Variants in MYO16 observed in about 807,000 individuals in gnomAD.
MYO16 encodes unconventional myosin-XVI.
Under a neutral mutation model 205.3 loss-of-function variants are expected in MYO16, and 94 were observed. That is an observed-to-expected ratio of 0.46 (90% CI 0.39 to 0.54). MYO16 has a LOEUF of 0.54. Ranked by LOEUF, MYO16 falls within the 20% of genes least tolerant of loss-of-function variation. The pLI is 0.00. For missense variants in MYO16, 2,315 were observed against 2,387.5 expected (o/e 0.97, Z 0.63); for synonymous variants, 988 against 954.0 (o/e 1.04, Z -0.66).
At chr13:109,035,406 G>A (rs1196940670) in intron 23 of MYO16, among the ~76,000 whole-genome samples, 1 of 152,206 alleles carries the variant, frequency 6.6e-6, no homozygotes, top group Non-Finnish European at 1.5e-5. Context: ...ACTGTAGGCC[G>A]GGCATGGTGG....
rs774812688 is a variant in MYO16, at chr13:109,140,994, G to GCCGCCCCCGCCC, written c.4795_4806dup (p.Pro1599_Pro1602dup). Reference sequence around the variant, plus strand: ...CCGGCCGAGCCTCCCCGCCGTCCACGCCGCCCCCGCCCCCGCCCCCGCCCG... The same window carrying GCCGCCCCCGCCC: ...CCGGCCGAGCCTCCCCGCCGTCCACGCCGCCCCCGCCCCCGCCCCCGCCCCCGCCCCCGCCCG... On this transcript the variant is annotated inframe_insertion, in exon 32 of 35. Coordinates refer to ENST00000457511, the MANE Select transcript of MYO16 (RefSeq NM_001198950.3). This position sits in a 1 kb window ranked among gnomAD's most constrained non-coding sequence, Gnocchi z 8.0. The GCCGCCCCCGCCC allele has an allele frequency of 2.2e-6, 3 of 1,336,840 alleles. No individual in the cohort carries two copies. Among genetic ancestry groups the GCCGCCCCCGCCC allele is most frequent in the African/African-American group, 1.5e-5 (1 of 65,174 alleles). 82.8% of individuals were successfully genotyped at this position (1,336,840 alleles called of 1,614,324 possible).
intron 33 of MYO16, among the ~76,000 whole-genome samples, chr13:109,178,988 G>A (rs758217470): frequency 1.3e-5 from 2 of 152,204 alleles, no homozygotes; most frequent in Non-Finnish European, 2.9e-5. Flanking sequence ...GAATTGGTGT[G>A]TTGTGAATCG....
intron 20 of MYO16, among the ~76,000 whole-genome samples, chr13:108,983,979 A>G (rs1184320557): frequency 6.6e-6 from 1 of 152,228 alleles, no homozygotes; most frequent in East Asian, 1.9e-4. Context: ...AAAGGTTTTC[A>G]TCCCTGAGAA....
chr13:108,553,650 G>T, the MYO16 span, among the ~76,000 whole-genome samples: 2 of 152,158 alleles, frequency 1.3e-5, no homozygotes, highest in African/African-American at 4.8e-5. Flanking sequence ...TATTCCCACG[G>T]TTGGAATATG....
At chr13:108,902,124 A>G (rs1438864150) in intron 15 of MYO16, among the ~76,000 whole-genome samples, 2 of 152,200 alleles carry the variant, frequency 1.3e-5, no homozygotes, top group Non-Finnish European at 2.9e-5. Context: ...GTACAAAGGT[A>G]TATTATGCGT....
chr13:109,193,418 TCTGTGCCCCTTTCCAA>T (rs1880010676), intron 34 of MYO16, among the ~76,000 whole-genome samples: 1 of 152,198 alleles, frequency 6.6e-6, no homozygotes, highest in Admixed American at 6.6e-5. Context: ...GATTTGCTAA[TCTGTGCCCCTTTCCAA>T]TTATAGCTGA....
Position 109,127,196 on chromosome 13 carries a change from G to C in MYO16, c.3783-86G>C. On this transcript the variant is annotated intron_variant, in intron 30 of 34. Transcript: ENST00000457511. This position sits in a 1 kb window ranked among gnomAD's most constrained non-coding sequence, Gnocchi z 4.2. ...CTGCTTGCCAAAAAGCCGTCATTAT[G>C]TCTGCTTGAGCAGGTTCCTTGTTAC... is the stretch of plus-strand genomic sequence containing the variant. 1.4e-6 allele frequency: 2 copies of C among 1,453,236 alleles called. No individual in the cohort carries two copies. The highest frequency in any genetic ancestry group is 1.8e-6 in the Non-Finnish European group (2 of 1,096,900). The allele number at this position is 1,453,236 out of a possible 1,614,324, so 90.0% of individuals were successfully genotyped here.
chr13:108,855,358 AG>A (rs1878113528), intron 10 of MYO16, 84 bp from the exon 11 acceptor site: 4 of 654,416 alleles, frequency 6.1e-6, no homozygotes, highest in Non-Finnish European at 9.8e-6. Context: ...AATGTTTGAC[AG>A]GTAATTGAAA....
At chr13:108,730,946 A>G (rs759955792) in intron 4 of MYO16, among the ~76,000 whole-genome samples, 2 of 152,136 alleles carry the variant, frequency 1.3e-5, no homozygotes, top group African/African-American at 4.8e-5. Flanking sequence ...GTTCCTTGAT[A>G]TTTCATCCCA....
At chr13:108,549,784 G>T in the MYO16 span, among the ~76,000 whole-genome samples, 104 of 152,218 alleles carry the variant, frequency 6.8e-4, no homozygotes, top group African/African-American at 2.5e-3. Context: ...TAAATACCCA[G>T]CTCCTCCTGC....
chr13:108,871,352 G>GTGTGTA (rs1879049720), intron 12 of MYO16, among the ~76,000 whole-genome samples: 1 of 150,806 alleles, frequency 6.6e-6, no homozygotes, highest in African/African-American at 2.4e-5. Context: ...GTGTGTGTGT[G>GTGTGTA]TGTGTGTGTG....
At chr13:108,895,120 G>T (rs4771618) in intron 14 of MYO16, among the ~76,000 whole-genome samples, 2 of 151,648 alleles carry the variant, frequency 1.3e-5, no homozygotes, top group African/African-American at 4.8e-5. Context: ...TTTACTTTCA[G>T]AAAATACAGT....
In MYO16 at chr13:109,191,190, G is replaced by A. The variant is rs182817827; in HGVS notation, c.5415+11557G>A. Reference sequence around the variant, plus strand: ...GCCAAGATCGCGCCACTGCACTCCAGCCTGGGGGACAAGAGCGAAACTCTG... The same window carrying A: ...GCCAAGATCGCGCCACTGCACTCCAACCTGGGGGACAAGAGCGAAACTCTG... On this transcript the variant is annotated intron_variant, in intron 34 of 34. Coordinates refer to ENST00000457511, the MANE Select transcript of MYO16 (RefSeq NM_001198950.3). Among the ~76,000 whole-genome samples the A allele has an allele frequency of 1.2e-4, 18 of 152,072 alleles. No individual in the cohort carries two copies. In the East Asian group the frequency reaches 3.5e-3, roughly 29 times the overall value.
At chr13:108,540,058 T>C in the MYO16 span, among the ~76,000 whole-genome samples, 3 of 152,244 alleles carry the variant, frequency 2.0e-5, no homozygotes. Context: ...AAGTATATTA[T>C]CAGCAAATGA....
chr13:109,154,911 GAAAAAAAAA>G (rs59465499), intron 32 of MYO16, among the ~76,000 whole-genome samples: 100 of 62,690 alleles, frequency 1.6e-3, no homozygotes, highest in South Asian at 5.3e-3. Context: ...GGCTAATTAT[GAAAAAAAAA>G]AAAAAAAAAA....
chr13:108,577,741 C>G, the MYO16 span, among the ~76,000 whole-genome samples: 1 of 152,208 alleles, frequency 6.6e-6, no homozygotes, highest in Non-Finnish European at 1.5e-5. Context: ...ACATTGTAAT[C>G]ATTTTGATGC....
At chr13:109,021,644 G>A (rs138523502) in intron 23 of MYO16, among the ~76,000 whole-genome samples, 9 of 152,270 alleles carry the variant, frequency 5.9e-5, no homozygotes, top group Non-Finnish European at 1.2e-4. Flanking sequence ...ATGCATGGGC[G>A]ATGCCATTCC....
At chr13:108,759,192 C>T (rs556277497) in intron 4 of MYO16, among the ~76,000 whole-genome samples, 60 of 151,998 alleles carry the variant, frequency 3.9e-4, no homozygotes, top group African/African-American at 1.4e-3. Flanking sequence ...TCTAAACCTT[C>T]TAAAGATTTC....
chr13:108,533,716 T>C, the MYO16 span, among the ~76,000 whole-genome samples: 1 of 152,240 alleles, frequency 6.6e-6, no homozygotes, highest in Non-Finnish European at 1.5e-5. Context: ...AGCAAATATG[T>C]ATTTAGTCAG....
Sources: gnomAD v4.1 joint callset for allele counts (sites outside exome capture counted in the v4.1 genomes callset) on GRCh38, gnomAD v4.1.1 for gene constraint, Gnocchi (gnomAD v3.1) non-coding constraint, MANE v1.5 for transcripts, NCBI Gene and HGNC (gene_info 2026-07-23, HGNC 2026-07-21) for gene names.